PACRG: variants seen among roughly 807,000 people sequenced by gnomAD.
The protein encoded by PACRG is parkin coregulated gene protein.
Under a neutral mutation model 29.7 loss-of-function variants are expected in PACRG, and 29 were observed. The observed-to-expected ratio is 0.98, with a 90% CI of 0.73 to 1.33. The LOEUF is 1.33. PACRG is among the 40% of genes most tolerant of loss of function. The probability of loss-of-function intolerance (pLI) is 0.00; values close to 1 mark genes in which losing one functional copy is unlikely to be tolerated. For missense variants in PACRG, 279 were observed against 316.2 expected (o/e 0.88, Z 0.89); for synonymous variants, 116 against 118.7 (o/e 0.98, Z 0.15).
intron 2 of PACRG, among the ~76,000 whole-genome samples, chr6:162,855,194 T>C (rs530723422): frequency 6.6e-6 from 1 of 152,304 alleles, no homozygotes; most frequent in African/African-American, 2.4e-5. Flanking sequence ...CGCTGACACC[T>C]GGTAGAGCTG....
intron 2 of PACRG, among the ~76,000 whole-genome samples, chr6:162,878,688 C>T (rs1430726374): frequency 6.6e-6 from 1 of 152,150 alleles, no homozygotes; most frequent in African/African-American, 2.4e-5. Flanking sequence ...TGAGATTGTT[C>T]TAGGCCTTTG....
intron 2 of PACRG, among the ~76,000 whole-genome samples, chr6:162,960,977 G>A (rs1464029607): frequency 1.3e-5 from 2 of 152,214 alleles, no homozygotes; most frequent in Non-Finnish European, 2.9e-5. Context: ...TTTAGGTCAT[G>A]TGCCCATGCC....
intron 4 of PACRG, among the ~76,000 whole-genome samples, chr6:163,136,936 A>G (rs1311847100): frequency 3.9e-5 from 6 of 152,256 alleles, no homozygotes; most frequent in Admixed American, 6.5e-5. Context: ...GGGTTCTAGT[A>G]GATTCCTCAA....
intron 4 of PACRG, among the ~76,000 whole-genome samples, chr6:163,214,559 T>C (rs1042428996): frequency 1.3e-5 from 2 of 151,986 alleles, no homozygotes; most frequent in African/African-American, 4.8e-5. Flanking sequence ...TCCATTCATA[T>C]ATATTTAATC....
chr6:162,909,618 C>G lies in PACRG; in HGVS notation c.291+95337C>G, dbSNP rs557974706. On this transcript the variant is annotated intron_variant, in intron 2 of 4. Coordinates refer to ENST00000366888, the MANE Select transcript of PACRG (RefSeq NM_001080379.2). Reference sequence around the variant, plus strand: ...CTTTCTTGAAATTTCCTTGTCCCCACTTCCTACCCCTTCCCAGACAGATTT... The same window carrying G: ...CTTTCTTGAAATTTCCTTGTCCCCAGTTCCTACCCCTTCCCAGACAGATTT... 2.1e-5 allele frequency among the ~76,000 whole-genome samples: 3 copies of G among 140,040 alleles called. No individual in the cohort carries two copies. In the South Asian group the frequency reaches 7.0e-4, roughly 32 times the overall value. 91.9% of individuals were successfully genotyped at this position (140,040 alleles called of 152,430 possible). A position where few individuals can be genotyped will look rare whatever the true frequency, so the allele number is the denominator to read the frequency against.
intron 4 of PACRG, among the ~76,000 whole-genome samples, chr6:163,147,594 A>C (rs2128336912): frequency 6.6e-6 from 1 of 152,008 alleles, no homozygotes; most frequent in Middle Eastern, 3.4e-3. Context: ...CTTCATGTTC[A>C]CCTCCCTCAT....
intron 2 of PACRG, among the ~76,000 whole-genome samples, chr6:162,838,229 C>G (rs2128403598): frequency 6.6e-6 from 1 of 152,236 alleles, no homozygotes; most frequent in Middle Eastern, 3.4e-3. Context: ...CATAGTAAGG[C>G]CATCTGTCAC....
chr6:163,078,946 G>A (rs1812813938), intron 3 of PACRG, among the ~76,000 whole-genome samples: 1 of 151,852 alleles, frequency 6.6e-6, no homozygotes, highest in Non-Finnish European at 1.5e-5. Context: ...CAGGTTGGCT[G>A]TACACCAGTA....
chr6:163,297,862 A>G (rs1327229178), intron 4 of PACRG, among the ~76,000 whole-genome samples: 1 of 152,118 alleles, frequency 6.6e-6, no homozygotes, highest in Admixed American at 6.5e-5. Context: ...AGCTTTTTAG[A>G]AACCTAATTC....
At chr6:163,136,443 G>C (rs1266020068) in intron 4 of PACRG, among the ~76,000 whole-genome samples, 1 of 152,140 alleles carries the variant, frequency 6.6e-6, no homozygotes, top group African/African-American at 2.4e-5. Flanking sequence ...GAATTGCTTA[G>C]ATTTACAGAT....
At chr6:162,832,343 C>T (rs1442575904) in intron 2 of PACRG, among the ~76,000 whole-genome samples, 1 of 151,994 alleles carries the variant, frequency 6.6e-6, no homozygotes, top group Admixed American at 6.6e-5. Flanking sequence ...GTCTTTTGCC[C>T]ACTTCTTAAT....
intron 4 of PACRG, among the ~76,000 whole-genome samples, chr6:163,123,383 A>G (rs1363846123): frequency 6.6e-6 from 1 of 152,200 alleles, no homozygotes; most frequent in African/African-American, 2.4e-5. Flanking sequence ...TTACATATCA[A>G]TGTTGCCAGC....
In PACRG at chr6:162,777,266, G is replaced by A. The variant is rs1783722097; in HGVS notation, c.157-36881G>A. On this transcript the variant is annotated intron_variant, in intron 1 of 4. Transcript: ENST00000366888. This position sits in a 1 kb window ranked among gnomAD's most constrained non-coding sequence, Gnocchi z 4.0. ...GTTGTTTTTCTCCACTTCGGGACAT[G>A]CAGTTGGCCATGTGCTCACAGGCCT... 6.6e-6 allele frequency among the ~76,000 whole-genome samples: 1 copy of A among 152,188 alleles called. No homozygotes were observed. The highest frequency in any genetic ancestry group is 6.5e-5 in the Admixed American group (1 of 15,288).
At position 163,055,981 on chromosome 6, in the gene PACRG, A is replaced by G. The variant is rs186420306; in HGVS notation, c.292-6169A>G. On this transcript the variant is annotated intron_variant, in intron 2 of 4. Transcript: ENST00000366888. The surrounding 1 kb of genome is among the most constrained non-coding windows in gnomAD (Gnocchi z 4.0). ...CTCCTTCGCTTAGGAAAATGTTTTC[A>G]AGGTTCATTCATGTTGTGTCATGTA... Among the ~76,000 whole-genome samples, 60 of 152,330 alleles carry G rather than the reference A, an allele frequency of 3.9e-4. No individual in the cohort carries two copies. The highest frequency in any genetic ancestry group is 2.9e-5 in the Non-Finnish European group (2 of 68,032).
intron 2 of PACRG, among the ~76,000 whole-genome samples, chr6:162,819,758 TG>T (rs1787681139): frequency 6.6e-6 from 1 of 152,228 alleles, no homozygotes; most frequent in African/African-American, 2.4e-5. Context: ...TTTCCTTATC[TG>T]TAAGTGACAA....
chr6:163,158,452 T>C (rs561798515), intron 4 of PACRG, among the ~76,000 whole-genome samples: 80 of 152,194 alleles, frequency 5.3e-4, no homozygotes, highest in African/African-American at 1.9e-3. Context: ...AGATCAAAGC[T>C]TCCATTTTTA....
intron 2 of PACRG, chr6:163,046,522 A>G (rs982056676): frequency 6.6e-5 from 10 of 151,982 alleles, no homozygotes; most frequent in Non-Finnish European, 1.5e-4. Flanking sequence ...TAATGCCCAG[A>G]GGAGCTCCGT....
At chr6:162,910,116 G>A (rs1796207853) in intron 2 of PACRG, among the ~76,000 whole-genome samples, 1 of 152,124 alleles carries the variant, frequency 6.6e-6, no homozygotes, top group African/African-American at 2.4e-5. Flanking sequence ...AAAGATAGTG[G>A]TAATAGTTTC....
intron 1 of PACRG, among the ~76,000 whole-genome samples, chr6:162,766,863 T>C (rs1432474350): frequency 6.6e-6 from 1 of 152,150 alleles, no homozygotes; most frequent in Non-Finnish European, 1.5e-5. Context: ...TATAAAAGGC[T>C]ATAAATTTCC....
Sources: allele counts gnomAD v4.1 joint callset (sites outside exome capture counted in the v4.1 genomes callset), GRCh38; gene constraint gnomAD v4.1.1; non-coding constraint Gnocchi (gnomAD v3.1); transcripts MANE v1.5; gene names NCBI Gene and HGNC (gene_info 2026-07-23, HGNC 2026-07-21).